TBC1D5: variants seen among roughly 807,000 people sequenced by gnomAD.
The protein encoded by TBC1D5 is TBC1 domain family member 5.
Under a neutral mutation model 100.3 loss-of-function variants are expected in TBC1D5, and 75 were observed. That is an observed-to-expected ratio of 0.75 (90% CI 0.62 to 0.91). TBC1D5 has a LOEUF of 0.91. Among genes scored for constraint, TBC1D5 ranks in the 40% least tolerant of loss-of-function variants. TBC1D5 has a pLI of 0.00. For missense variants in TBC1D5, 910 were observed against 942.4 expected (o/e 0.97, Z 0.45); for synonymous variants, 323 against 325.6 (o/e 0.99, Z 0.09).
At chr3:17,327,376 T>A (rs538951496) in intron 13 of TBC1D5, among the ~76,000 whole-genome samples, 3 of 152,244 alleles carry the variant, frequency 2.0e-5, no homozygotes, top group Non-Finnish European at 4.4e-5. Flanking sequence ...AGTTCTCTAA[T>A]GGCTTATCAT....
chr3:17,215,207 G>C (rs563071369), intron 17 of TBC1D5, among the ~76,000 whole-genome samples: 4 of 152,238 alleles, frequency 2.6e-5, no homozygotes, highest in African/African-American at 9.6e-5. Context: ...ATCAGAGATG[G>C]TCAAGTGGGG....
chr3:17,278,359 A>C (rs1423176738), intron 15 of TBC1D5, among the ~76,000 whole-genome samples: 1 of 152,184 alleles, frequency 6.6e-6, no homozygotes, highest in East Asian at 1.9e-4. Flanking sequence ...CTTTGCTCTA[A>C]AAAATTGAGG....
At chr3:17,590,438 T>C (rs756775596) in intron 2 of TBC1D5, among the ~76,000 whole-genome samples, 24 of 152,190 alleles carry the variant, frequency 1.6e-4, no homozygotes, top group Admixed American at 2.6e-4. Context: ...CTGATCTCCC[T>C]TGGTTTAATG....
At chr3:17,708,948 T>A (rs1041852605) in intron 1 of TBC1D5, among the ~76,000 whole-genome samples, 10 of 152,220 alleles carry the variant, frequency 6.6e-5, no homozygotes, top group African/African-American at 2.4e-4. Flanking sequence ...GCACCACTTC[T>A]AAGCAATTAT....
intron 15 of TBC1D5, among the ~76,000 whole-genome samples, chr3:17,261,845 GT>G (rs34656348): frequency 0.024 from 3,503 of 143,228 alleles, 108 homozygotes; most frequent in African/African-American, 0.077. Context: ...TCTTAAAGGA[GT>G]TTTTTTTTTT....
At chr3:17,452,835 C>T (rs1459889078) in intron 3 of TBC1D5, among the ~76,000 whole-genome samples, 2 of 152,012 alleles carry the variant, frequency 1.3e-5, no homozygotes, top group African/African-American at 4.8e-5. Flanking sequence ...ATTTACAGAA[C>T]ATTTCATCCA....
intron 8 of TBC1D5, among the ~76,000 whole-genome samples, chr3:17,401,339 GTATAA>G (rs2093643175): frequency 4.7e-5 from 1 of 21,130 alleles, no homozygotes; most frequent in Admixed American, 4.4e-4. Flanking sequence ...ATACATATAT[GTATAA>G]TATACATATA....
chr3:17,164,588 C>A (rs991510107), intron 21 of TBC1D5, among the ~76,000 whole-genome samples: 1 of 152,202 alleles, frequency 6.6e-6, no homozygotes, highest in African/African-American at 2.4e-5. Context: ...GCTCTCTTGG[C>A]GCATGTTCCT....
At chr3:17,405,567 T>C (rs981981543) in intron 5 of TBC1D5, among the ~76,000 whole-genome samples, 2 of 152,058 alleles carry the variant, frequency 1.3e-5, no homozygotes, top group African/African-American at 4.8e-5. Context: ...TTTTAACAAA[T>C]GAAAGATAGT....
chr3:17,242,779 G>A (rs867870152), intron 16 of TBC1D5, among the ~76,000 whole-genome samples: 1 of 152,056 alleles, frequency 6.6e-6, no homozygotes, highest in African/African-American at 2.4e-5. Flanking sequence ...AAAATGTTCT[G>A]ATTTTTCAAA....
At chr3:17,602,438 T>C (rs1371522632) in intron 2 of TBC1D5, among the ~76,000 whole-genome samples, 4 of 152,162 alleles carry the variant, frequency 2.6e-5, no homozygotes, top group Admixed American at 1.3e-4. Flanking sequence ...TCTGAAAATG[T>C]AGATAGCTAA....
intron 18 of TBC1D5, among the ~76,000 whole-genome samples, chr3:17,186,746 T>TAAAAAAAAAAAAAAAAAAAAAAAAAA (rs1302354970): frequency 1.2e-5 from 1 of 83,112 alleles, no homozygotes; most frequent in Admixed American, 1.3e-4. Flanking sequence ...AAAAAAAAAT[T>TAAAAAAAAAAAAAAAAAAAAAAAAAA]AAAAAAAGAA....
chr3:17,672,162 A>T (rs2068014691), intron 1 of TBC1D5, among the ~76,000 whole-genome samples: 1 of 152,240 alleles, frequency 6.6e-6, no homozygotes, highest in Non-Finnish European at 1.5e-5. Context: ...ATACTTTTAA[A>T]CATATGACTT....
At chr3:17,609,395 C>T (rs1339141635) in intron 2 of TBC1D5, among the ~76,000 whole-genome samples, 1 of 152,158 alleles carries the variant, frequency 6.6e-6, no homozygotes, top group Non-Finnish European at 1.5e-5. Flanking sequence ...CTTCCCCAAG[C>T]CTTTATACTC....
chr3:17,400,157 C>G (rs2093610149), intron 8 of TBC1D5, among the ~76,000 whole-genome samples: 1 of 152,122 alleles, frequency 6.6e-6, no homozygotes. Context: ...CACCACTCCA[C>G]TCTGTCCCCC....
chr3:17,692,674 G>T (rs1159189877), intron 1 of TBC1D5, among the ~76,000 whole-genome samples: 1 of 152,102 alleles, frequency 6.6e-6, no homozygotes, highest in Admixed American at 6.5e-5. Flanking sequence ...TGCTTATTAG[G>T]TAATGTCAAT....
chr3:17,476,839 C>T (rs1218219326), intron 3 of TBC1D5, among the ~76,000 whole-genome samples: 1 of 151,900 alleles, frequency 6.6e-6, no homozygotes, highest in African/African-American at 2.4e-5. Flanking sequence ...TGAAGGTTTA[C>T]TCATATTTTT....
chr3:17,740,940 T>C (rs533273567), upstream of TBC1D5: 2 of 152,362 alleles, frequency 1.3e-5, no homozygotes, highest in South Asian at 4.1e-4. Flanking sequence ...ATTTGCACTC[T>C]TCCTATCCCC....
chr3:17,501,648 A>T (rs1323252155), intron 3 of TBC1D5, among the ~76,000 whole-genome samples: 4 of 149,104 alleles, frequency 2.7e-5, no homozygotes, highest in Non-Finnish European at 5.9e-5. Context: ...CCATGATAGC[A>T]AATATCCTTA....
Sources: allele counts gnomAD v4.1 joint callset (sites outside exome capture counted in the v4.1 genomes callset), GRCh38; gene constraint gnomAD v4.1.1; transcripts MANE v1.5; gene names NCBI Gene and HGNC (gene_info 2026-07-23, HGNC 2026-07-21).